PEAK1: variants seen among roughly 807,000 people sequenced by gnomAD.
The protein encoded by PEAK1 is inactive tyrosine-protein kinase PEAK1.
PEAK1 carries 54 observed loss-of-function variants against 124.7 expected under a neutral mutation model. That is an observed-to-expected ratio of 0.43 (90% confidence interval 0.35 to 0.54). The LOEUF (loss-of-function observed/expected upper bound fraction) is 0.54, where lower values mean the gene tolerates loss of function less well. Ranked by LOEUF, PEAK1 falls within the 20% of genes least tolerant of loss-of-function variation. The pLI is 0.01. For synonymous variants in PEAK1, 719 were observed against 760.0 expected, an observed-to-expected ratio of 0.95 and a Z score of 0.89; for missense variants, 2,046 against 2,134.5, an observed-to-expected ratio of 0.96 and a Z score of 0.82.
intron 2 of PEAK1, chr15:77,336,012 C>G (rs2141281454): frequency 1.0e-6 from 1 of 985,270 alleles, no homozygotes; most frequent in African/African-American, 1.7e-5. Context: ...AGTTAATAGA[C>G]CCAGGTATCT....
At chr15:77,320,664 A>AT (rs577164325) in intron 2 of PEAK1, among the ~76,000 whole-genome samples, 33 of 151,912 alleles carry the variant, frequency 2.2e-4, no homozygotes, top group Non-Finnish European at 3.1e-4. Context: ...TTCCCCCAGC[A>AT]TTTTTTTTAT....
chr15:77,317,603 G>A (rs1597265808), intron 2 of PEAK1, among the ~76,000 whole-genome samples: 1 of 152,166 alleles, frequency 6.6e-6, no homozygotes, highest in African/African-American at 2.4e-5. Flanking sequence ...CCCAGAGCTG[G>A]TTAAAAACAG....
intron 2 of PEAK1, among the ~76,000 whole-genome samples, chr15:77,361,493 C>A (rs2067883522): frequency 6.6e-6 from 1 of 152,058 alleles, no homozygotes; most frequent in South Asian, 2.1e-4. Flanking sequence ...CATTGTTAAT[C>A]AAGGAGATGC....
At chr15:77,396,205 G>C (rs1274170263) in intron 1 of PEAK1, among the ~76,000 whole-genome samples, 1 of 151,978 alleles carries the variant, frequency 6.6e-6, no homozygotes, top group Non-Finnish European at 1.5e-5. Context: ...TAGGTAGATA[G>C]CTAGATAGAT....
chr15:77,254,710 G>A (rs1276979119), intron 5 of PEAK1, among the ~76,000 whole-genome samples: 1 of 152,132 alleles, frequency 6.6e-6, no homozygotes, highest in Non-Finnish European at 1.5e-5. Flanking sequence ...TAGAATTACA[G>A]GTGTGAGCCA....
intron 1 of PEAK1, among the ~76,000 whole-genome samples, chr15:77,401,166 T>C (rs1327073687): frequency 3.3e-5 from 5 of 152,184 alleles, no homozygotes; most frequent in Admixed American, 3.3e-4. Context: ...GTAGGCTGGA[T>C]ACTACAAAAA....
intron 2 of PEAK1, among the ~76,000 whole-genome samples, chr15:77,351,272 G>C (rs535619615): frequency 6.2e-4 from 95 of 152,330 alleles, no homozygotes; most frequent in African/African-American, 2.2e-3. Flanking sequence ...TTGTTCATGA[G>C]AGAGGATGTG....
chr15:77,242,537 G>A (rs945703563), intron 6 of PEAK1, among the ~76,000 whole-genome samples: 3 of 152,136 alleles, frequency 2.0e-5, no homozygotes, highest in African/African-American at 7.2e-5. Context: ...ATGATAAACT[G>A]ATGCGCTATG....
At chr15:77,252,974 C>T (rs1405084742) in intron 5 of PEAK1, among the ~76,000 whole-genome samples, 1 of 152,116 alleles carries the variant, frequency 6.6e-6, no homozygotes, top group Non-Finnish European at 1.5e-5. Flanking sequence ...AGCCACTTTG[C>T]AGTTTTAGTT....
intron 8 of PEAK1, among the ~76,000 whole-genome samples, chr15:77,144,255 A>G (rs2054013099): frequency 6.6e-6 from 1 of 152,210 alleles, no homozygotes; most frequent in Admixed American, 6.5e-5. Flanking sequence ...CTTCCTATGA[A>G]TCACTCATTT....
chr15:77,355,769 C>T, intron 2 of PEAK1: 1 of 985,276 alleles, frequency 1.0e-6, no homozygotes, highest in Non-Finnish European at 1.2e-6. Context: ...TCTAAGAAGG[C>T]TGAGAAAAAG....
intron 6 of PEAK1, among the ~76,000 whole-genome samples, chr15:77,219,673 C>T (rs1422390595): frequency 1.3e-5 from 2 of 151,964 alleles, no homozygotes; most frequent in African/African-American, 2.4e-5. Flanking sequence ...ACCAAAGGGT[C>T]GGGCCTGTGA....
intron 1 of PEAK1, among the ~76,000 whole-genome samples, chr15:77,399,560 C>G (rs2071180782): frequency 6.6e-6 from 1 of 151,934 alleles, no homozygotes; most frequent in African/African-American, 2.4e-5. Context: ...CAAGAACATA[C>G]ATTAGGACAG....
intron 8 of PEAK1, chr15:77,156,716 A>G (rs2055190754): frequency 6.6e-6 from 1 of 152,234 alleles, no homozygotes; most frequent in South Asian, 2.1e-4. Context: ...TGGTACAATT[A>G]GTAAAAATTA....
chr15:77,254,607 A>AT (rs977639952), intron 5 of PEAK1, among the ~76,000 whole-genome samples: 5 of 151,872 alleles, frequency 3.3e-5, no homozygotes, highest in African/African-American at 4.8e-5. Context: ...TAATTTTTAC[A>AT]TTTTTTGTAG....
intron 2 of PEAK1, chr15:77,351,809 T>C (rs564779086): frequency 1.0e-6 from 1 of 985,330 alleles, no homozygotes; most frequent in African/African-American, 1.7e-5. Context: ...TGAAAAGTTT[T>C]GAACACGGGT....
rs746618235 is a variant in PEAK1 at position 77,266,639 on chromosome 15, A to AAT, written c.-274-14115_-274-14114dup. ...AATCATAACTTGAATGAGAAAAGAC[A>AAT]ATCAATGGATACCAACACCAAGATA... is the stretch of plus-strand genomic sequence containing the variant. On this transcript the variant is annotated intron_variant, in intron 5 of 9. Coordinates refer to ENST00000682557, the MANE Select transcript of PEAK1 (RefSeq NM_001385026.1). Among the ~76,000 whole-genome samples, 162 of 152,346 alleles carry AAT rather than the reference A, an allele frequency of 1.1e-3. 3 individuals are homozygous for AAT. The highest frequency in any genetic ancestry group is 3.4e-3 in the Middle Eastern group (1 of 294).
At chr15:77,153,706 A>G (rs2054865976) in intron 8 of PEAK1, among the ~76,000 whole-genome samples, 1 of 152,192 alleles carries the variant, frequency 6.6e-6, no homozygotes, top group African/African-American at 2.4e-5. Flanking sequence ...ATTGGTTTCA[A>G]AGAACATCTT....
intron 8 of PEAK1, among the ~76,000 whole-genome samples, chr15:77,138,243 T>G (rs1259195474): frequency 6.6e-6 from 1 of 152,030 alleles, no homozygotes; most frequent in Non-Finnish European, 1.5e-5. Flanking sequence ...AAATACAGTA[T>G]AAAAGATAAA....
Sources: gnomAD v4.1 joint callset for allele counts (sites outside exome capture counted in the v4.1 genomes callset) on GRCh38, gnomAD v4.1.1 for gene constraint, MANE v1.5 for transcripts, NCBI Gene and HGNC (gene_info 2026-07-23, HGNC 2026-07-21) for gene names.